Variants in TFR2 observed in about 807,000 individuals in gnomAD.
The protein encoded by TFR2 is transferrin receptor protein 2.
TFR2 carries 64 observed loss-of-function variants against 91.9 expected under a neutral mutation model. The observed-to-expected ratio is 0.70, with a 90% CI of 0.57 to 0.86. The LOEUF is 0.86. TFR2 is among the 40% of genes least tolerant of loss of function. The probability of loss-of-function intolerance (pLI) is 0.00; values close to 1 mark genes in which losing one functional copy is unlikely to be tolerated. For missense variants in TFR2, 950 were observed against 1,080.5 expected, an observed-to-expected ratio of 0.88 and a Z score of 1.69; for synonymous variants, 454 against 459.6, an observed-to-expected ratio of 0.99 and a Z score of 0.15.
intron 3 of TFR2, among the ~76,000 whole-genome samples, chr7:100,635,654 G>C (rs560461071): frequency 6.6e-6 from 1 of 151,956 alleles, no homozygotes; most frequent in East Asian, 1.9e-4. Flanking sequence ...GGGTGAAACA[G>C]TGTTTCACCA....
intron 17 of TFR2, among the ~76,000 whole-genome samples, chr7:100,625,059 CTTT>C (rs34968337): frequency 1.1e-4 from 12 of 105,284 alleles, no homozygotes; most frequent in Non-Finnish European, 1.7e-4. Flanking sequence ...TTTTCTTTTT[CTTT>C]TTTTTTTTTT....
At chr7:100,629,221 A>AGCCCAG (rs770391274) in intron 10 of TFR2, 32 bp downstream of exon 10, 4 of 1,612,306 alleles carry the variant, frequency 2.5e-6, no homozygotes, top group Admixed American at 3.3e-5. Context: ...ACCGCTGCCT[A>AGCCCAG]GCCCAGGCCC....
chr7:100,627,645 T>C lies in TFR2; in HGVS notation c.1699A>G (p.Met567Val), dbSNP rs1399916888. The C allele has an allele frequency of 1.2e-6, 2 of 1,614,100 alleles. No individual in the cohort carries two copies. The highest frequency in any genetic ancestry group is 1.1e-5 in the South Asian group (1 of 91,090). The change falls in exon 15 of 18, where the codon ATG (methionine) becomes GTG (valine). Residue 567 changes from methionine (M) to valine (V), a missense_variant. By Grantham distance (21) the Met-to-Val change is conservative. Coordinates refer to ENST00000223051, the MANE Select transcript of TFR2 (RefSeq NM_003227.4). The stretch of plus-strand genomic sequence containing the variant: ...GTGAAGGAATAGGCACTGCTGTCCA[T>C]GGGTAGGGGCCGGATCCTGGGGGCA... ...WDAEVIRPLPMDSSAYSFTAF... is the reference protein window; with the variant it reads ...WDAEVIRPLPVDSSAYSFTAF...
At chr7:100,622,876 C>A (rs1803145282) in intron 17 of TFR2, among the ~76,000 whole-genome samples, 1 of 152,112 alleles carries the variant, frequency 6.6e-6, no homozygotes. Flanking sequence ...CAAGAATAGC[C>A]TGAACCCAAG....
Position 100,641,494 on chromosome 7 carries a change from C to T in TFR2, c.16G>A (p.Gly6Ser). The stretch of plus-strand genomic sequence containing the variant: ...AGTCTTACCGCTCTCTGGAATAGAC[C>T]CCAAAGCCGCTCCATGCTTGTGTCC... MERLWGLFQRAQQLSP... is the reference protein window; with the variant it reads MERLWSLFQRAQQLSP... The change falls in exon 1 of 18, where the codon GGT (glycine) becomes AGT (serine). Residue 6 changes from glycine (G) to serine (S), a missense_variant. By Grantham distance (56) the Gly-to-Ser change is moderately conservative (BLOSUM62 0). Transcript: ENST00000223051. The T allele has an allele frequency of 3.1e-6, 5 of 1,613,858 alleles. No homozygotes were observed. Among genetic ancestry groups the T allele is most frequent in the Non-Finnish European group, 4.2e-6 (5 of 1,179,904 alleles).
At chr7:100,636,728 A>G (rs548489596) in intron 3 of TFR2, among the ~76,000 whole-genome samples, 2 of 151,878 alleles carry the variant, frequency 1.3e-5, no homozygotes, top group Admixed American at 1.3e-4. Flanking sequence ...CAAATGTCCT[A>G]TAGCTCCACA....
intron 3 of TFR2, among the ~76,000 whole-genome samples, chr7:100,638,644 G>A (rs1483277694): frequency 2.6e-5 from 4 of 151,802 alleles, no homozygotes; most frequent in Non-Finnish European, 4.4e-5. Context: ...CCAGCTACTC[G>A]GGAGGCTAAG....
intron 8 of TFR2, 32 bp from the exon 9 acceptor site, chr7:100,631,084 T>C (rs760097445): frequency 1.3e-6 from 2 of 1,517,680 alleles, no homozygotes; most frequent in South Asian, 2.6e-5. Flanking sequence ...AGGGGGAAGT[T>C]GTAGAGAGAC....
In TFR2 at chr7:100,627,799, C is replaced by A; in HGVS notation, c.1627G>T (p.Gly543Trp). The A allele has an allele frequency of 6.2e-7, 1 of 1,614,056 alleles. No homozygotes were observed. The highest frequency in any genetic ancestry group is 8.5e-7 in the Non-Finnish European group (1 of 1,179,998). Residue 543 changes from glycine (G) to tryptophan (W), a missense_variant, in exon 14 of 18, where the codon GGG (glycine) becomes TGG (tryptophan). Coordinates refer to ENST00000223051, the MANE Select transcript of TFR2 (RefSeq NM_003227.4). ...ACCACCTGTTCATAGAGAGTCTGCC[C>A]ACTGTGGTTGGGAGAATCCACCTGG... ...LKQVDSPNHSGQTLYEQVVFT... is the reference protein window; with the variant it reads ...LKQVDSPNHSWQTLYEQVVFT...
intron 17 of TFR2, among the ~76,000 whole-genome samples, chr7:100,625,729 G>A (rs1341287297): frequency 6.6e-6 from 1 of 151,954 alleles, no homozygotes; most frequent in Non-Finnish European, 1.5e-5. Context: ...ACAAAAAATA[G>A]AAAAATTTAG....
At chr7:100,638,320 GC>G (rs1369174493) in intron 3 of TFR2, among the ~76,000 whole-genome samples, 1 of 150,944 alleles carries the variant, frequency 6.6e-6, no homozygotes, top group African/African-American at 2.4e-5. Flanking sequence ...TAATTTAAAA[GC>G]CCTGAGCAGG....
intron 17 of TFR2, among the ~76,000 whole-genome samples, chr7:100,626,065 T>C (rs1158582901): frequency 6.6e-6 from 1 of 152,106 alleles, no homozygotes; most frequent in African/African-American, 2.4e-5. Context: ...TTGAGGATGA[T>C]CCTGTTTACT....
rs560085216 is a variant in TFR2 at position 100,640,440 on chromosome 7, T to C, written c.473+246A>G. The C allele has an allele frequency of 2.6e-5, 15 of 568,684 alleles. No homozygotes were observed. In the South Asian group the frequency reaches 2.7e-4, roughly 10 times the overall value. 35.2% of individuals were successfully genotyped at this position (568,684 alleles called of 1,614,324 possible). ...GATACTGGATGCTGCACCCCTCTGA[T>C]CTCAGACAGTCAGCTCCCTCACCTC... is the stretch of plus-strand genomic sequence containing the variant. On this transcript the variant is annotated intron_variant, in intron 3 of 17. Coordinates refer to ENST00000223051, the MANE Select transcript of TFR2 (RefSeq NM_003227.4).
At chr7:100,625,393 C>A (rs1475251747) in intron 17 of TFR2, among the ~76,000 whole-genome samples, 1 of 149,808 alleles carries the variant, frequency 6.7e-6, no homozygotes, top group Non-Finnish European at 1.5e-5. Context: ...TCCCTTTTAT[C>A]CCTGGTGGGG....
At chr7:100,621,306 T>G (rs907791248) in intron 17 of TFR2, among the ~76,000 whole-genome samples, 180 bp from the exon 18 acceptor site, 5 of 152,224 alleles carry the variant, frequency 3.3e-5, no homozygotes, top group Non-Finnish European at 4.4e-5. Context: ...CAGGCTGGAG[T>G]GCAGTGGCAC....
intron 17 of TFR2, among the ~76,000 whole-genome samples, chr7:100,625,574 A>G (rs894032361): frequency 6.6e-6 from 1 of 152,136 alleles, no homozygotes; most frequent in African/African-American, 2.4e-5. Flanking sequence ...GAATGAATGG[A>G]GAAAGAGATA....
At chr7:100,640,375 T>G (rs1803671713) in intron 3 of TFR2, 2 of 375,264 alleles carry the variant, frequency 5.3e-6, no homozygotes, top group South Asian at 8.9e-5. Flanking sequence ...TCTAGGCGCC[T>G]GGGTGAGGCA....
chr7:100,627,595 G>A lies in TFR2; in HGVS notation c.1749C>T (p.Val583=), dbSNP rs1300769708. 2 of 1,614,132 alleles carry A rather than the reference G, an allele frequency of 1.2e-6. No individual in the cohort carries two copies. The highest frequency in any genetic ancestry group is 1.7e-6 in the Non-Finnish European group (2 of 1,180,008). The change falls in exon 15 of 18, where the codon GTC becomes GTT. Residue 583 remains valine, a synonymous_variant. Transcript: ENST00000223051. ...GTCTCACCTCCATAAAGGAGAACTC[G>A]ACGGCAGGGACTCCCACAAAGGCCG... ...SFTAFVGVPA[V]EFSFMEDDQA...
chr7:100,640,636 G>A lies in TFR2; in HGVS notation c.473+50C>T, dbSNP rs145592761. On this transcript the variant is annotated intron_variant, in intron 3 of 17. Transcript: ENST00000223051. Reference sequence around the variant, plus strand: ...GGAGGCAGGGAGGCCCAGTCTGAGCGGATGAGGGGAGGGACACTCGAGAAC... The same window carrying A: ...GGAGGCAGGGAGGCCCAGTCTGAGCAGATGAGGGGAGGGACACTCGAGAAC... 1.6e-3 allele frequency: 2,631 copies of A among 1,594,776 alleles called. 22 individuals carry two copies. Among genetic ancestry groups the A allele is most frequent in the Non-Finnish European group, 1.8e-3 (2,062 of 1,173,058 alleles).
Sources: allele counts gnomAD v4.1 joint callset (sites outside exome capture counted in the v4.1 genomes callset), GRCh38; gene constraint gnomAD v4.1.1; transcripts MANE v1.5; gene names NCBI Gene and HGNC (gene_info 2026-07-23, HGNC 2026-07-21).